The following DOCK1 variants were observed in gnomAD, a reference collection of about 807,000 sequenced individuals.
The protein encoded by DOCK1 is dedicator of cytokinesis 1.
DOCK1 carries 138 observed loss-of-function variants against 262.7 expected under a neutral mutation model. The observed-to-expected ratio is 0.53, with a 90% confidence interval of 0.46 to 0.61. The LOEUF is 0.61. Ranked by LOEUF, DOCK1 falls within the 20% of genes least tolerant of loss-of-function variation. The pLI is 0.00. For synonymous variants in DOCK1, 866 were observed against 867.4 expected (o/e 1.00, Z 0.03); for missense variants, 1,908 against 2,370.7 (o/e 0.80, Z 4.05).
rs751277749 is a variant in DOCK1, at chr10:126,981,898, T to C, written c.172-20T>C. The C allele has an allele frequency of 6.6e-7, 1 of 1,511,652 alleles. No individual in the cohort carries two copies. Among genetic ancestry groups the C allele is most frequent in the Admixed American group, 1.9e-5 (1 of 52,076 alleles). 93.6% of individuals were successfully genotyped at this position (1,511,652 alleles called of 1,614,324 possible). A position where few individuals can be genotyped will look rare whatever the true frequency, so the allele number is the denominator to read the frequency against. On this transcript the variant is annotated intron_variant, in intron 3 of 51. Coordinates refer to ENST00000623213, the MANE Select transcript of DOCK1 (RefSeq NM_001290223.2). ...ATCCTATTGATAATAAAAGCTACTG[T>C]TTTTTTTTTCCTCCCAAAGGGTATA...
At chr10:127,067,599 C>G (rs1271257685) in intron 23 of DOCK1, among the ~76,000 whole-genome samples, 1 of 151,922 alleles carries the variant, frequency 6.6e-6, no homozygotes, top group Non-Finnish European at 1.5e-5. Flanking sequence ...CACTGATTCC[C>G]TGTGATGCAT....
chr10:127,079,883 A>G (rs2046800769), intron 23 of DOCK1, among the ~76,000 whole-genome samples: 1 of 152,202 alleles, frequency 6.6e-6, no homozygotes. Flanking sequence ...GTGAGCCAAC[A>G]TTGCGCCACT....
intron 1 of DOCK1, among the ~76,000 whole-genome samples, chr10:126,954,809 C>T (rs1198622451): frequency 2.6e-5 from 4 of 152,162 alleles, no homozygotes; most frequent in African/African-American, 9.7e-5. Context: ...GTACATACCA[C>T]GTTTTATCCA....
intron 27 of DOCK1, among the ~76,000 whole-genome samples, chr10:127,178,753 C>T (rs2055430684): frequency 6.6e-6 from 1 of 152,086 alleles, no homozygotes; most frequent in African/African-American, 2.4e-5. Flanking sequence ...GGAGATGCAC[C>T]AATATCTTGG....
intron 51 of DOCK1, among the ~76,000 whole-genome samples, chr10:127,448,565 G>A (rs2070743744): frequency 1.3e-5 from 2 of 152,188 alleles, no homozygotes; most frequent in Non-Finnish European, 2.9e-5. Context: ...ACTCAGCCAC[G>A]GCGGGAACTT....
chr10:126,913,368 A>G (rs2032089944), intron 1 of DOCK1, among the ~76,000 whole-genome samples: 1 of 152,142 alleles, frequency 6.6e-6, no homozygotes, highest in East Asian at 1.9e-4. Context: ...AGTGATGGCA[A>G]AACCCGGGCT....
chr10:127,176,539 AGGAAAATCACAC>A lies in DOCK1; in HGVS notation c.2847+48778_2847+48789del. The A allele has an allele frequency of 1.5e-6, 1 of 685,928 alleles. No homozygotes were observed. Among genetic ancestry groups the A allele is most frequent in the South Asian group, 2.0e-5 (1 of 50,962 alleles). The allele number at this position is 685,928 out of a possible 1,614,324, so 42.5% of individuals were successfully genotyped here. ...GCAGGTGAGGTCGGCCTTTATGTTA[AGGAAAATCACAC>A]GGGCTGAGAGTCGCTGGCAGCACAG... On this transcript the variant is annotated intron_variant, in intron 27 of 51. Coordinates refer to ENST00000623213, the MANE Select transcript of DOCK1 (RefSeq NM_001290223.2). The surrounding 1 kb of genome is among the most constrained non-coding windows in gnomAD (Gnocchi z 4.4).
chr10:127,103,100 G>GTGATACCTAGAAC (rs1564805147), intron 23 of DOCK1, among the ~76,000 whole-genome samples: 2 of 152,158 alleles, frequency 1.3e-5, no homozygotes, highest in African/African-American at 2.4e-5. Context: ...TGTCGTTCAC[G>GTGATACCTAGAAC]TGCATCTGTG....
intron 1 of DOCK1, among the ~76,000 whole-genome samples, chr10:126,948,751 A>T (rs1356194592): frequency 6.6e-6 from 1 of 152,132 alleles, no homozygotes; most frequent in Non-Finnish European, 1.5e-5. Context: ...CTGGATCCCA[A>T]GCTTCCCCTC....
Position 126,995,797 on chromosome 10 carries a change from T to C in DOCK1, c.474-951T>C, listed in dbSNP as rs902611081. On this transcript the variant is annotated intron_variant, in intron 6 of 51. Coordinates refer to ENST00000623213, the MANE Select transcript of DOCK1 (RefSeq NM_001290223.2). This position sits in a 1 kb window ranked among gnomAD's most constrained non-coding sequence, Gnocchi z 5.8. ...ATCTGGCCAGGAAGTTGCTTAACCTTATTGTAGATAACGTCCATATGTTTG... is the reference window on the plus strand; with the variant it reads ...ATCTGGCCAGGAAGTTGCTTAACCTCATTGTAGATAACGTCCATATGTTTG... 5.9e-5 allele frequency among the ~76,000 whole-genome samples: 9 copies of C among 152,250 alleles called. No homozygotes were observed. The highest frequency in any genetic ancestry group is 1.9e-4 in the African/African-American group (8 of 41,468).
At chr10:127,374,912 A>G (rs1039420386) in intron 35 of DOCK1, among the ~76,000 whole-genome samples, 22 of 152,166 alleles carry the variant, frequency 1.4e-4, no homozygotes, top group Non-Finnish European at 2.9e-5. Flanking sequence ...TTGATTTCAG[A>G]TTCTGGCCTC....
intron 29 of DOCK1, among the ~76,000 whole-genome samples, chr10:127,312,396 A>T (rs2135505970): frequency 6.6e-6 from 1 of 152,252 alleles, no homozygotes; most frequent in East Asian, 1.9e-4. Context: ...CTGCAAACAC[A>T]AGAGATCTGG....
intron 23 of DOCK1, among the ~76,000 whole-genome samples, chr10:127,088,357 G>A (rs1042531405): frequency 6.6e-6 from 1 of 152,216 alleles, no homozygotes; most frequent in East Asian, 1.9e-4. Context: ...TGTAAGCAGA[G>A]ATGTCATTCC....
At chr10:127,222,963 C>T (rs910734852) in intron 27 of DOCK1, among the ~76,000 whole-genome samples, 14 of 152,084 alleles carry the variant, frequency 9.2e-5, no homozygotes, top group African/African-American at 2.7e-4. Context: ...AGGTGTGAGC[C>T]GCTGTGCCGA....
At chr10:127,103,418 C>T (rs147542125) in intron 23 of DOCK1, among the ~76,000 whole-genome samples, 2,308 of 152,194 alleles carry the variant, frequency 0.015, 25 homozygotes, top group Middle Eastern at 0.027. Context: ...TTAAGGTTTT[C>T]GGAGCAGGCC....
At chr10:127,270,221 C>T (rs2060512488) in intron 29 of DOCK1, among the ~76,000 whole-genome samples, 1 of 152,202 alleles carries the variant, frequency 6.6e-6, no homozygotes, top group Non-Finnish European at 1.5e-5. Context: ...TAAGCAGGGA[C>T]TTCCAAACGT....
At chr10:126,950,668 G>T (rs2036133767) in intron 1 of DOCK1, among the ~76,000 whole-genome samples, 1 of 152,164 alleles carries the variant, frequency 6.6e-6, no homozygotes, top group Non-Finnish European at 1.5e-5. Flanking sequence ...GCCACATGAT[G>T]CCTGGAGGTG....
At chr10:127,184,313 T>TCCC (rs112656641) in intron 27 of DOCK1, among the ~76,000 whole-genome samples, 1 of 148,346 alleles carries the variant, frequency 6.7e-6, no homozygotes, top group African/African-American at 2.6e-5. Context: ...CTCAATTCAT[T>TCCC]CCCCCCCCAG....
At chr10:127,039,609 G>A (rs891533965) in intron 19 of DOCK1, among the ~76,000 whole-genome samples, 8 of 152,094 alleles carry the variant, frequency 5.3e-5, no homozygotes, top group African/African-American at 1.7e-4. Context: ...CTCTGCTGGC[G>A]TGTCTGACAT....
Sources: gnomAD v4.1 joint callset for allele counts (sites outside exome capture counted in the v4.1 genomes callset) on GRCh38, gnomAD v4.1.1 for gene constraint, Gnocchi (gnomAD v3.1) non-coding constraint, MANE v1.5 for transcripts, NCBI Gene and HGNC (gene_info 2026-07-23, HGNC 2026-07-21) for gene names.